The following LTBP1 variants were observed in gnomAD, a reference collection of about 807,000 sequenced individuals.
The protein encoded by LTBP1 is latent-transforming growth factor beta-binding protein 1.
A neutral mutation model predicts 207.6 loss-of-function variants in LTBP1; 129 were observed. That is an observed-to-expected ratio of 0.62 (90% CI 0.54 to 0.72). The LOEUF (loss-of-function observed/expected upper bound fraction) is 0.72, where lower values mean the gene tolerates loss of function less well. LTBP1 is among the 30% of genes least tolerant of loss of function. LTBP1 has a pLI of 0.00. For missense variants in LTBP1, 2,281 were observed against 2,217.2 expected (o/e 1.03, Z -0.58); for synonymous variants, 963 against 833.7 (o/e 1.16, Z -2.67).
chr2:33,022,784 G>A (rs1180971974), intron 3 of LTBP1, among the ~76,000 whole-genome samples: 1 of 152,190 alleles, frequency 6.6e-6, no homozygotes, highest in Non-Finnish European at 1.5e-5. Context: ...TAGCACAAAA[G>A]CAGCCATAGA....
Position 33,315,170 on chromosome 2 carries a change from C to T in LTBP1, c.3631C>T (p.Leu1211Phe). 1 of 1,609,190 alleles carries T rather than the reference C, an allele frequency of 6.2e-7. No individual in the cohort carries two copies. The change falls in exon 24 of 34, where the codon CTC becomes TTC. Residue 1211 changes from leucine (L) to phenylalanine (F), a missense_variant. This residue lies in a region of LTBP1 where 1,671 missense variants were observed against 1,634.8 expected (regional missense o/e 1.02). Transcript: ENST00000404816. ...TATTAATGAATGTGAACATCCAGGG[C>T]TCTGTGGTCCGCAAGGGGAGTGCCT... ...QDINECEHPG[L>F]CGPQGECLNT...
At chr2:33,091,304 G>C (rs908312408) in intron 3 of LTBP1, among the ~76,000 whole-genome samples, 1 of 152,076 alleles carries the variant, frequency 6.6e-6, no homozygotes, top group Non-Finnish European at 1.5e-5. Context: ...ATTGTTCCTA[G>C]TTCTCTCTGG....
chr2:32,947,632 C>T lies in LTBP1; in HGVS notation c.308C>T (p.Pro103Leu), dbSNP rs1676388721. ...CTGCAGGGGCTCAGACCGCCGCCGCCGCCGCCGCCGGAGCCTGCGCGTCCC... is the reference window on the plus strand; with the variant it reads ...CTGCAGGGGCTCAGACCGCCGCCGCTGCCGCCGCCGGAGCCTGCGCGTCCC... ...AALQGLRPPPPPPPEPARPAV... is the reference protein window; with the variant it reads ...AALQGLRPPPLPPPEPARPAV... Residue 103 changes from proline to leucine, a missense_variant, in exon 1 of 34, where the codon CCG becomes CTG. Pro to Leu is a moderately conservative substitution (Grantham distance 98). Transcript: ENST00000404816. The T allele has an allele frequency of 2.2e-6, 3 of 1,342,926 alleles. No homozygotes were observed. The highest frequency in any genetic ancestry group is 2.9e-6 in the Non-Finnish European group (3 of 1,051,578). 83.2% of individuals were successfully genotyped at this position (1,342,926 alleles called of 1,614,324 possible).
intron 7 of LTBP1, among the ~76,000 whole-genome samples, chr2:33,195,325 C>A (rs2088424530): frequency 6.6e-6 from 1 of 152,132 alleles, no homozygotes; most frequent in Admixed American, 6.5e-5. Flanking sequence ...AAGAGTTTGC[C>A]ATTCTAGATG....
chr2:33,054,634 C>T (rs145390535), intron 3 of LTBP1, among the ~76,000 whole-genome samples: 1,844 of 152,298 alleles, frequency 0.012, 20 homozygotes, highest in Non-Finnish European at 0.015. Context: ...TGAGAAACAC[C>T]TGGTTACAGG....
At chr2:33,066,546 T>G (rs990822876) in intron 3 of LTBP1, among the ~76,000 whole-genome samples, 1 of 152,174 alleles carries the variant, frequency 6.6e-6, no homozygotes, top group Admixed American at 6.5e-5. Context: ...TAGTGGAGTA[T>G]GGATTATTTT....
chr2:32,976,573 G>GTGC (rs1681818366), intron 2 of LTBP1, among the ~76,000 whole-genome samples: 1 of 152,230 alleles, frequency 6.6e-6, no homozygotes, highest in African/African-American at 2.4e-5. Context: ...GTGGGTAGGA[G>GTGC]TGCTCTATGT....
chr2:33,169,024 A>G (rs372050914), intron 5 of LTBP1, among the ~76,000 whole-genome samples: 1 of 152,208 alleles, frequency 6.6e-6, no homozygotes, highest in East Asian at 1.9e-4. Context: ...GAAAGTAATG[A>G]TCCATGGAGG....
chr2:33,139,137 C>A (rs902985362), intron 5 of LTBP1, among the ~76,000 whole-genome samples: 1 of 151,932 alleles, frequency 6.6e-6, no homozygotes, highest in Non-Finnish European at 1.5e-5. Flanking sequence ...GGATTACAGG[C>A]GTGAGCCACC....
intron 7 of LTBP1, among the ~76,000 whole-genome samples, chr2:33,203,144 G>A (rs1431920379): frequency 1.3e-5 from 2 of 152,232 alleles, no homozygotes; most frequent in African/African-American, 4.8e-5. Flanking sequence ...ACAGCTGAAG[G>A]TATCACTGAA....
chr2:33,201,303 A>G (rs1044335043), intron 7 of LTBP1, among the ~76,000 whole-genome samples: 18 of 152,346 alleles, frequency 1.2e-4, no homozygotes, highest in Admixed American at 9.1e-4. Context: ...AGCCATAAAA[A>G]ATGATGAGTT....
chr2:33,079,402 G>A (rs567323672), intron 3 of LTBP1, among the ~76,000 whole-genome samples: 1 of 152,100 alleles, frequency 6.6e-6, no homozygotes, highest in South Asian at 2.1e-4. Flanking sequence ...CCAGCAGATG[G>A]GATATAGCAA....
intron 3 of LTBP1, among the ~76,000 whole-genome samples, chr2:33,108,039 G>A (rs778016287): frequency 1.3e-5 from 2 of 152,244 alleles, no homozygotes; most frequent in African/African-American, 4.8e-5. Context: ...CTGCAACGTG[G>A]TCTGAAGTGG....
chr2:33,323,544 G>A (rs2149367221), intron 24 of LTBP1, among the ~76,000 whole-genome samples: 1 of 152,286 alleles, frequency 6.6e-6, no homozygotes, highest in South Asian at 2.1e-4. Flanking sequence ...GGCTGAGGAA[G>A]GAGAATCGCA....
intron 5 of LTBP1, among the ~76,000 whole-genome samples, chr2:33,138,395 A>G (rs770995735): frequency 6.6e-5 from 10 of 152,172 alleles, no homozygotes; most frequent in Admixed American, 2.0e-4. Context: ...GGTTTAACAG[A>G]ATAGTTACTT....
intron 7 of LTBP1, among the ~76,000 whole-genome samples, chr2:33,206,663 T>C (rs951169237): frequency 8.8e-5 from 13 of 147,122 alleles, no homozygotes; most frequent in African/African-American, 3.3e-4. Context: ...GGCGTGAACC[T>C]GGGAGGCGGA....
intron 9 of LTBP1, among the ~76,000 whole-genome samples, chr2:33,240,892 T>C (rs977062835): frequency 2.0e-4 from 30 of 152,066 alleles, no homozygotes; most frequent in Non-Finnish European, 4.1e-4. Context: ...CTTCGTGATC[T>C]GCCCACCTCG....
chr2:32,991,969 T>C (rs552801986), intron 2 of LTBP1, among the ~76,000 whole-genome samples: 1 of 152,214 alleles, frequency 6.6e-6, no homozygotes, highest in Admixed American at 6.5e-5. Flanking sequence ...TGGTCTCCAC[T>C]TGTAGATGAC....
chr2:33,176,424 A>G (rs2148574399), intron 5 of LTBP1, among the ~76,000 whole-genome samples: 1 of 152,138 alleles, frequency 6.6e-6, no homozygotes, highest in East Asian at 1.9e-4. Flanking sequence ...ACGGGGTTTC[A>G]CCATGTTGGC....
Sources: allele counts gnomAD v4.1 joint callset (sites outside exome capture counted in the v4.1 genomes callset), GRCh38; gene constraint gnomAD v4.1.1; regional missense constraint gnomAD v4.1.1; transcripts MANE v1.5; gene names NCBI Gene and HGNC (gene_info 2026-07-23, HGNC 2026-07-21).